Variants in KDM3A observed in about 807,000 individuals in gnomAD.
KDM3A encodes lysine demethylase 3A.
A neutral mutation model predicts 158.0 loss-of-function variants in KDM3A; 60 were observed. The observed-to-expected ratio is 0.38, with a 90% CI of 0.31 to 0.47. The LOEUF (loss-of-function observed/expected upper bound fraction) is 0.47, where lower values mean the gene tolerates loss of function less well. KDM3A is among the 20% of genes least tolerant of loss of function. The pLI, the probability that KDM3A is intolerant of heterozygous loss-of-function variation, is 0.99. For missense variants in KDM3A, 1,319 were observed against 1,574.3 expected (o/e 0.84, Z 2.74); for synonymous variants, 608 against 549.3 (o/e 1.11, Z -1.49).
rs778207419 is a variant in KDM3A at position 86,456,794 on chromosome 2, T to G, written c.682-11T>G. On this transcript the variant is annotated splice_polypyrimidine_tract_variant and intron_variant, in intron 6 of 25. Transcript: ENST00000312912. The stretch of plus-strand genomic sequence containing the variant: ...TTATTTTCCGGTATCTTTGTTTCAT[T>G]TATTTTTAAGATTCCAGCACTGAAA... 8.7e-6 allele frequency: 14 copies of G among 1,602,978 alleles called. No individual in the cohort carries two copies. The highest frequency in any genetic ancestry group is 1.1e-5 in the Non-Finnish European group (13 of 1,170,852).
chr2:86,480,145 C>T (rs375656291), intron 15 of KDM3A, 22 bp from the exon 16 acceptor site: 41 of 1,569,952 alleles, frequency 2.6e-5, no homozygotes, highest in South Asian at 1.1e-4. Context: ...TATGTAAAAT[C>T]GTCCTTTAAT....
chr2:86,445,387 C>T (rs1192031193), intron 2 of KDM3A, among the ~76,000 whole-genome samples: 1 of 152,208 alleles, frequency 6.6e-6, no homozygotes, highest in African/African-American at 2.4e-5. Flanking sequence ...GCTCTTTCTA[C>T]TTGAGTATGA....
Position 86,455,105 on chromosome 2 carries a change from T to G in KDM3A, c.474T>G (p.Leu158=). Residue 158 remains leucine (L), a synonymous_variant, in exon 5 of 26, where the codon CTT becomes CTG. Transcript: ENST00000312912. ...TTCAGGATGTAAACAGTCTTCGACT[T>G]TCTCTTACGGATAATCAGATTGTCA... ...KPIQDVNSLR[L]SLTDNQIVSK... is the part of the protein sequence containing the mutation. 6.3e-7 allele frequency: 1 copy of G among 1,595,968 alleles called. No homozygotes were observed. The highest frequency in any genetic ancestry group is 8.5e-7 in the Non-Finnish European group (1 of 1,171,762).
intron 8 of KDM3A, among the ~76,000 whole-genome samples, chr2:86,460,267 C>T (rs1045526162): frequency 3.3e-5 from 5 of 152,156 alleles, no homozygotes; most frequent in African/African-American, 1.2e-4. Context: ...CTTGTAGCCT[C>T]CTTGATTCCC....
At chr2:86,452,581 A>G (rs1461924486) in intron 4 of KDM3A, among the ~76,000 whole-genome samples, 1 of 152,188 alleles carries the variant, frequency 6.6e-6, no homozygotes, top group East Asian at 1.9e-4. Context: ...CACACACATT[A>G]TAATAATATT....
intron 12 of KDM3A, among the ~76,000 whole-genome samples, chr2:86,475,870 TAAC>T (rs1673636471): frequency 6.6e-6 from 1 of 152,306 alleles, no homozygotes; most frequent in African/African-American, 2.4e-5. Context: ...TACCAGCAAC[TAAC>T]AACCTAGCTT....
chr2:86,441,900 C>T (rs1161726381), intron 1 of KDM3A, 118 bp from the exon 2 acceptor site: 33 of 685,988 alleles, frequency 4.8e-5, no homozygotes, highest in Non-Finnish European at 6.9e-5. Flanking sequence ...CGGTGCGGGT[C>T]CGCCCGGGGC....
chr2:86,461,391 TC>T (rs1483386031), intron 8 of KDM3A, among the ~76,000 whole-genome samples: 1 of 152,196 alleles, frequency 6.6e-6, no homozygotes, highest in Non-Finnish European at 1.5e-5. Context: ...TCCTGTCACT[TC>T]AGGTAACTCA....
chr2:86,449,526 T>C (rs1251673398), intron 2 of KDM3A, among the ~76,000 whole-genome samples: 1 of 152,144 alleles, frequency 6.6e-6, no homozygotes, highest in Non-Finnish European at 1.5e-5. Flanking sequence ...AAGTAGGGGT[T>C]GTTTGGTTTC....
chr2:86,445,580 T>G (rs938482803), intron 2 of KDM3A, among the ~76,000 whole-genome samples: 1 of 152,194 alleles, frequency 6.6e-6, no homozygotes, highest in African/African-American at 2.4e-5. Flanking sequence ...CCCTTCTTAG[T>G]CCTTACAGGT....
chr2:86,483,186 T>C, intron 18 of KDM3A: 1 of 154,096 alleles, frequency 6.5e-6, no homozygotes, highest in Non-Finnish European at 1.4e-5. Flanking sequence ...CCGGTTAATA[T>C]CTTTAGGAGA....
intron 21 of KDM3A, chr2:86,487,952 T>C (rs2104712653): frequency 6.6e-6 from 1 of 152,424 alleles, no homozygotes; most frequent in East Asian, 1.9e-4. Context: ...GCTGAGGCTT[T>C]GCCTCCTAGT....
rs2104648815 is a variant in KDM3A at position 86,458,739 on chromosome 2, C to T, written c.843+1668C>T. The stretch of plus-strand genomic sequence containing the variant: ...CAAATGTTTCATTGTGGCAGGGGCA[C>T]AGGAGGCATGGAAAAAGAGAAGCAG... On this transcript the variant is annotated intron_variant, in intron 8 of 25. Transcript: ENST00000312912. Among the ~76,000 whole-genome samples the T allele has an allele frequency of 1.3e-5, 2 of 152,168 alleles. 1 individual carries two copies. Among genetic ancestry groups the T allele is most frequent in the African/African-American group, 4.8e-5 (2 of 41,524 alleles).
chr2:86,482,151 C>G, intron 17 of KDM3A, 49 bp downstream of exon 17: 2 of 1,568,978 alleles, frequency 1.3e-6, no homozygotes, highest in Non-Finnish European at 1.8e-6. Context: ...GAAGACAGAA[C>G]AGGAAGAGAG....
chr2:86,438,606 T>A (rs1257133114), upstream of KDM3A, among the ~76,000 whole-genome samples: 2 of 152,046 alleles, frequency 1.3e-5, no homozygotes, highest in Non-Finnish European at 2.9e-5. Context: ...TTGTACACCA[T>A]ATAGTTTTAC....
chr2:86,437,142 A>G (rs1682505786), upstream of KDM3A, among the ~76,000 whole-genome samples: 1 of 151,996 alleles, frequency 6.6e-6, no homozygotes, highest in Non-Finnish European at 1.5e-5. Context: ...TATATACATT[A>G]TATACTTTTT....
intron 2 of KDM3A, 47 bp downstream of exon 2, chr2:86,442,280 G>A: frequency 6.5e-7 from 1 of 1,532,782 alleles, no homozygotes; most frequent in Non-Finnish European, 8.9e-7. Context: ...CGCAGTTACC[G>A]TGGTAACGCG....
chr2:86,440,005 T>C (rs1021028097), upstream of KDM3A, among the ~76,000 whole-genome samples: 2 of 152,218 alleles, frequency 1.3e-5, no homozygotes, highest in Non-Finnish European at 2.9e-5. Context: ...TTAACCCATT[T>C]ACATTTATTG....
At position 86,443,242 on chromosome 2, in the gene KDM3A, T is replaced by C. The variant is rs1173250012; in HGVS notation, c.186+1009T>C. ...ATCTTCACTTGGCCATCATCTTTGC[T>C]TTTTCTTAAACTATGTTCAAATAAA... On this transcript the variant is annotated intron_variant, in intron 2 of 25. Coordinates refer to ENST00000312912, the MANE Select transcript of KDM3A (RefSeq NM_018433.6). The C allele has an allele frequency of 2.6e-5, 4 of 152,234 alleles. No homozygotes were observed. The East Asian group carries it at 7.7e-4, about 29-fold the overall frequency. 9.4% of individuals were successfully genotyped at this position (152,234 alleles called of 1,614,324 possible). A position where few individuals can be genotyped will look rare whatever the true frequency, so the allele number is the denominator to read the frequency against.
Sources: allele counts gnomAD v4.1 joint callset (sites outside exome capture counted in the v4.1 genomes callset), GRCh38; gene constraint gnomAD v4.1.1; transcripts MANE v1.5; gene names NCBI Gene and HGNC (gene_info 2026-07-23, HGNC 2026-07-21).